CADPS2: variants seen among roughly 807,000 people sequenced by gnomAD.
CADPS2 encodes the protein calcium-dependent secretion activator 2.
A neutral mutation model predicts 172.5 loss-of-function variants in CADPS2; 93 were observed. The observed-to-expected ratio is 0.54, with a 90% CI of 0.46 to 0.64. The LOEUF (loss-of-function observed/expected upper bound fraction) is 0.64, where lower values mean the gene tolerates loss of function less well. Among genes scored for constraint, CADPS2 ranks in the 30% least tolerant of loss-of-function variants. The pLI is 0.00. For missense variants in CADPS2, 1,420 were observed against 1,565.9 expected (o/e 0.91, Z 1.57); for synonymous variants, 546 against 555.2 (o/e 0.98, Z 0.23).
chr7:122,684,173 A>C (rs189732554), intron 2 of CADPS2, among the ~76,000 whole-genome samples: 1 of 152,256 alleles, frequency 6.6e-6, no homozygotes, highest in Admixed American at 6.5e-5. Flanking sequence ...AGGCTGTAGG[A>C]ACTTGACTCT....
At chr7:122,793,920 G>C (rs1364870494) in intron 1 of CADPS2, among the ~76,000 whole-genome samples, 1 of 152,034 alleles carries the variant, frequency 6.6e-6, no homozygotes, top group Non-Finnish European at 1.5e-5. Flanking sequence ...CTCTAGGTTG[G>C]AATTTCTTTT....
chr7:122,482,471 G>A (rs1293006329), intron 11 of CADPS2, among the ~76,000 whole-genome samples: 3 of 152,168 alleles, frequency 2.0e-5, no homozygotes, highest in Non-Finnish European at 4.4e-5. Context: ...AATGTCAATA[G>A]TGTTGAAATT....
intron 1 of CADPS2, chr7:122,849,655 C>T: frequency 3.2e-6 from 1 of 317,296 alleles, no homozygotes; most frequent in South Asian, 2.5e-5. Context: ...TAGCCAGCTG[C>T]TATGGCTGCT....
chr7:122,498,072 C>A (rs1586645166), intron 9 of CADPS2, among the ~76,000 whole-genome samples: 1 of 152,256 alleles, frequency 6.6e-6, no homozygotes, highest in East Asian at 1.9e-4. Context: ...CTCAGCTTCC[C>A]AAGTAGCTGG....
intron 7 of CADPS2, among the ~76,000 whole-genome samples, chr7:122,580,836 GAC>G (rs2068714095): frequency 6.6e-6 from 1 of 152,148 alleles, no homozygotes; most frequent in South Asian, 2.1e-4. Context: ...TGAACCCAGG[GAC>G]AAAAATATGT....
intron 14 of CADPS2, among the ~76,000 whole-genome samples, chr7:122,467,601 T>A (rs1252227038): frequency 6.6e-6 from 1 of 152,198 alleles, no homozygotes; most frequent in Non-Finnish European, 1.5e-5. Flanking sequence ...AGCAAGCACA[T>A]CTGAGCTGGC....
chr7:122,836,045 C>G (rs1808315405), intron 1 of CADPS2, among the ~76,000 whole-genome samples: 2 of 152,216 alleles, frequency 1.3e-5, no homozygotes, highest in South Asian at 4.1e-4. Flanking sequence ...TCGGGTTACC[C>G]ACAAAGGGAA....
chr7:122,464,556 A>G (rs1354226297), intron 14 of CADPS2, among the ~76,000 whole-genome samples: 1 of 152,208 alleles, frequency 6.6e-6, no homozygotes, highest in Non-Finnish European at 1.5e-5. Context: ...TTTACAGTAG[A>G]GAAATGTGAC....
chr7:122,504,305 A>G (rs1279923996), intron 9 of CADPS2, among the ~76,000 whole-genome samples: 1 of 152,192 alleles, frequency 6.6e-6, no homozygotes, highest in African/African-American at 2.4e-5. Flanking sequence ...AATCTAATTC[A>G]GTTGTCAGGG....
intron 1 of CADPS2, among the ~76,000 whole-genome samples, chr7:122,809,785 T>C (rs1272178587): frequency 1.3e-5 from 2 of 152,202 alleles, no homozygotes; most frequent in East Asian, 1.9e-4. Flanking sequence ...TATAAGTTCA[T>C]GCAAGTGTCC....
chr7:122,356,073 A>T (rs986885038), intron 27 of CADPS2, among the ~76,000 whole-genome samples: 3 of 152,204 alleles, frequency 2.0e-5, no homozygotes, highest in African/African-American at 7.2e-5. Flanking sequence ...ATATTGACAC[A>T]ATATTATTAA....
intron 25 of CADPS2, among the ~76,000 whole-genome samples, chr7:122,376,778 G>T (rs1265934366): frequency 6.6e-6 from 1 of 152,076 alleles, no homozygotes; most frequent in African/African-American, 2.4e-5. Context: ...TACGTTTATG[G>T]TACAGTTTGA....
rs79060029 is a variant in CADPS2, at chr7:122,864,383, G to A, written c.339+21616C>T. Among the ~76,000 whole-genome samples, 1,440 of 152,232 alleles carry A rather than the reference G, an allele frequency of 9.5e-3. 12 individuals are homozygous for A. Among genetic ancestry groups the A allele is most frequent in the Non-Finnish European group, 0.013 (891 of 68,030 alleles). ...TGGTTCCAGCTACTTGGGAGGCTGG[G>A]TCAGGAGGATTGTTTGAGCCCAGGA... On this transcript the variant is annotated intron_variant, in intron 1 of 29. Coordinates refer to ENST00000449022, the MANE Select transcript of CADPS2 (RefSeq NM_017954.11).
chr7:122,885,927 C>A (rs922378037), intron 1 of CADPS2, 72 bp downstream of exon 1: 2 of 1,487,524 alleles, frequency 1.3e-6, no homozygotes, highest in Non-Finnish European at 1.8e-6. Context: ...GGACGGGAGG[C>A]GTCCCAGAGC....
rs537093809 is a variant in CADPS2 at position 122,553,125 on chromosome 7, C to T, written c.1475+1425G>A. ...CCTGTGAGACTTTCATTCACTATAC[C>T]TGGCAAAAATCAGGTATTATTTCTC... On this transcript the variant is annotated intron_variant, in intron 8 of 29. Transcript: ENST00000449022. Among the ~76,000 whole-genome samples, 15 of 152,226 alleles carry T rather than the reference C, an allele frequency of 9.9e-5. No individual in the cohort carries two copies. The South Asian group carries it at 1.4e-3, about 15-fold the overall frequency.
chr7:122,657,199 T>C (rs981103490), intron 3 of CADPS2, among the ~76,000 whole-genome samples: 6 of 152,216 alleles, frequency 3.9e-5, no homozygotes, highest in Non-Finnish European at 5.9e-5. Flanking sequence ...CCATGCTGTT[T>C]TGGTTACTGT....
intron 25 of CADPS2, among the ~76,000 whole-genome samples, chr7:122,375,360 T>G (rs2042218937): frequency 1.3e-5 from 2 of 152,078 alleles, no homozygotes; most frequent in Admixed American, 1.3e-4. Context: ...AGTAAACTTT[T>G]TAATGTAAAC....
intron 1 of CADPS2, among the ~76,000 whole-genome samples, chr7:122,809,092 A>G (rs541766166): frequency 2.6e-5 from 4 of 152,288 alleles, no homozygotes; most frequent in Admixed American, 1.3e-4. Flanking sequence ...ATTATGCTTC[A>G]TATCTGCTTC....
intron 2 of CADPS2, among the ~76,000 whole-genome samples, chr7:122,695,489 G>A (rs907136138): frequency 1.3e-5 from 2 of 152,040 alleles, no homozygotes; most frequent in Non-Finnish European, 2.9e-5. Flanking sequence ...GAGTAAAAGG[G>A]GTTTATTGAT....
Sources: allele counts gnomAD v4.1 joint callset (sites outside exome capture counted in the v4.1 genomes callset), GRCh38; gene constraint gnomAD v4.1.1; transcripts MANE v1.5; gene names NCBI Gene and HGNC (gene_info 2026-07-23, HGNC 2026-07-21).